Variants in BRCA1 observed in about 807,000 individuals in gnomAD.
The protein encoded by BRCA1 is breast cancer type 1 susceptibility protein.
In BRCA1, 140 loss-of-function variants were observed where a neutral mutation model predicts 173.7. The observed-to-expected ratio is 0.81, with a 90% CI of 0.70 to 0.93. BRCA1 has a LOEUF of 0.93. Among genes scored for constraint, BRCA1 ranks in the 40% least tolerant of loss-of-function variants. The pLI, the probability that BRCA1 is intolerant of heterozygous loss-of-function variation, is 0.00. For synonymous variants in BRCA1, 662 were observed against 756.0 expected, an observed-to-expected ratio of 0.88 and a Z score of 2.04; for missense variants, 1,983 against 2,172.5, an observed-to-expected ratio of 0.91 and a Z score of 1.73.
At chr17:43,120,733 C>A (rs1483582245) in intron 2 of BRCA1, among the ~76,000 whole-genome samples, 1 of 152,010 alleles carries the variant, frequency 6.6e-6, no homozygotes, top group Non-Finnish European at 1.5e-5. Flanking sequence ...CCACTGCACT[C>A]CGGCCTGGGT....
chr17:43,108,023 A>G (rs1341243846), intron 3 of BRCA1, among the ~76,000 whole-genome samples: 1 of 152,140 alleles, frequency 6.6e-6, no homozygotes, highest in African/African-American at 2.4e-5. Context: ...GAAGAGACCC[A>G]GGAAAGAAAA....
In BRCA1 at chr17:43,113,156, T is replaced by G. The variant is rs138040784; in HGVS notation, c.134+2570A>C. On this transcript the variant is annotated intron_variant, in intron 3 of 22. Coordinates refer to ENST00000357654, the MANE Select transcript of BRCA1 (RefSeq NM_007294.4). ...CTGGGCTCAAAGCACCTCAGCATCTTCCTGTAGAATTACTCTCCTTTTCCT... is the reference window on the plus strand; with the variant it reads ...CTGGGCTCAAAGCACCTCAGCATCTGCCTGTAGAATTACTCTCCTTTTCCT... Among the ~76,000 whole-genome samples, 525 of 152,106 alleles carry G rather than the reference T, an allele frequency of 3.5e-3. 4 individuals carry two copies. Among genetic ancestry groups the G allele is most frequent in the African/African-American group, 0.012 (496 of 41,506 alleles).
chr17:43,136,005 C>T (rs770802992), intron 1 of BRCA1, among the ~76,000 whole-genome samples: 30 of 152,220 alleles, frequency 2.0e-4, no homozygotes, highest in Non-Finnish European at 1.3e-4. Context: ...GGGCTTAATA[C>T]AGGCTTCGCC....
chr17:43,111,068 T>C (rs2055013071), intron 3 of BRCA1, among the ~76,000 whole-genome samples: 1 of 143,524 alleles, frequency 7.0e-6, no homozygotes, highest in Non-Finnish European at 1.5e-5. Context: ...ACCACTGCAC[T>C]CCAGCCTGGG....
At position 43,091,480 on chromosome 17, in the gene BRCA1, A is replaced by G. The variant is rs139858874; in HGVS notation, c.4051T>C (p.Leu1351=). ...VSDDEERGTG[L]EENNQEEQSM... is the part of the protein sequence containing the mutation. ...TGCTCTTCTTGATTATTTTCTTCCA[A>G]GCCCGTTCCTCTTTCTTCATCATCT... Residue 1351 remains leucine (L), a synonymous_variant, in exon 10 of 23, where the codon TTG becomes CTG. Transcript: ENST00000357654. 6.2e-7 allele frequency: 1 copy of G among 1,613,428 alleles called. No homozygotes were observed. The highest frequency in any genetic ancestry group is 1.3e-5 in the African/African-American group (1 of 74,838).
intron 12 of BRCA1, among the ~76,000 whole-genome samples, chr17:43,080,047 T>G (rs2154117785): frequency 6.6e-6 from 1 of 152,294 alleles, no homozygotes; most frequent in Middle Eastern, 3.4e-3. Flanking sequence ...ATGATCTACT[T>G]GCTGGCTGGT....
In BRCA1 at chr17:43,125,362, A is replaced by G. The variant is rs759750310; in HGVS notation, c.-111T>C. The stretch of plus-strand genomic sequence containing the variant: ...GCCTGTCCCCCGTCCAGGAAGTCTC[A>G]GCGAGCTCACGCCGCGCAGTCGCAG... On this transcript the variant is annotated 5_prime_UTR_variant, in exon 1 of 23. Transcript: ENST00000357654. The G allele has an allele frequency of 7.1e-6, 3 of 421,680 alleles. No individual in the cohort carries two copies. Among genetic ancestry groups the G allele is most frequent in the South Asian group, 3.2e-5 (2 of 61,862 alleles). 26.1% of individuals were successfully genotyped at this position (421,680 alleles called of 1,614,324 possible). A position where few individuals can be genotyped will look rare whatever the true frequency, so the allele number is the denominator to read the frequency against.
chr17:43,157,405 AAATT>A (rs2056204117), intron 1 of BRCA1, among the ~76,000 whole-genome samples: 1 of 152,244 alleles, frequency 6.6e-6, no homozygotes, highest in Non-Finnish European at 1.5e-5. Flanking sequence ...AAACCATTAA[AAATT>A]AATCTTAAGG....
intron 1 of BRCA1, 102 bp downstream of exon 1, chr17:43,125,169 C>T (rs1036527805): frequency 2.2e-6 from 1 of 455,530 alleles, no homozygotes; most frequent in South Asian, 1.6e-5. Context: ...CCCTACCCCC[C>T]GTCAAAGAAT....
intron 1 of BRCA1, among the ~76,000 whole-genome samples, chr17:43,156,908 TA>T (rs2056200911): frequency 6.6e-6 from 1 of 152,230 alleles, no homozygotes; most frequent in African/African-American, 2.4e-5. Flanking sequence ...GTTCCCCTTC[TA>T]GGTCCTGATG....
chr17:43,062,816 C>T (rs778537466), intron 18 of BRCA1, among the ~76,000 whole-genome samples: 8 of 151,904 alleles, frequency 5.3e-5, no homozygotes, highest in African/African-American at 9.7e-5. Context: ...AGGCTGATCT[C>T]GAACTCCTGA....
At chr17:43,046,612 G>C (rs781427381) in intron 22 of BRCA1, among the ~76,000 whole-genome samples, 2 of 151,890 alleles carry the variant, frequency 1.3e-5, no homozygotes, top group Non-Finnish European at 1.5e-5. Context: ...ATATTGGCCA[G>C]GCTGGTCTCA....
chr17:43,168,415 A>G (rs1383682855), intron 1 of BRCA1, among the ~76,000 whole-genome samples: 2 of 152,224 alleles, frequency 1.3e-5, no homozygotes, highest in Non-Finnish European at 1.5e-5. Context: ...AGGCGGGCGG[A>G]TGACCTGAGG....
In BRCA1 at chr17:43,155,661, T is replaced by C. The variant is rs1263860116; in HGVS notation, c.-20+14465A>G. Among the ~76,000 whole-genome samples the C allele has an allele frequency of 2.6e-5, 4 of 152,166 alleles. No individual in the cohort carries two copies. In the East Asian group the frequency reaches 7.7e-4, roughly 29 times the overall value. ...GATTCTTGTGCCTCAGCCTTCCAAG[T>C]AGCTGGGACTACAGGCGCATGCTGC... On this transcript the variant is annotated intron_variant, in intron 1 of 7. Transcript: ENST00000634433.
chr17:43,079,911 A>G (rs2052925881), intron 12 of BRCA1: 1 of 628,446 alleles, frequency 1.6e-6, no homozygotes, highest in East Asian at 2.7e-5. Context: ...AGCAAATAAG[A>G]TAACTTGTTA....
intron 21 of BRCA1, among the ~76,000 whole-genome samples, chr17:43,048,014 A>AC (rs2051009677): frequency 6.6e-6 from 1 of 151,414 alleles, no homozygotes; most frequent in Non-Finnish European, 1.5e-5. Context: ...GCTCAACTTC[A>AC]CCCCCGGGAT....
Position 43,100,863 on chromosome 17 carries a change from C to T in BRCA1, c.442-983G>A, listed in dbSNP as rs148500539. Among the ~76,000 whole-genome samples the T allele has an allele frequency of 0.013, 1,914 of 149,114 alleles. 21 individuals carry two copies. Among genetic ancestry groups the T allele is most frequent in the Non-Finnish European group, 0.017 (1,177 of 67,552 alleles). On this transcript the variant is annotated intron_variant, in intron 6 of 22. Transcript: ENST00000357654. ...TCTCCTGCCTCAGCCTCCCGAGTAGCTGGGACTACAGGCGTACACCACCAC... is the reference window on the plus strand; with the variant it reads ...TCTCCTGCCTCAGCCTCCCGAGTAGTTGGGACTACAGGCGTACACCACCAC...
At chr17:43,068,828 C>A (rs925263307) in intron 15 of BRCA1, among the ~76,000 whole-genome samples, 1 of 152,128 alleles carries the variant, frequency 6.6e-6, no homozygotes, top group Non-Finnish European at 1.5e-5. Flanking sequence ...TCAATTCTCT[C>A]GTAAGAAGGC....
chr17:43,049,824 C>A (rs940676121), intron 20 of BRCA1, among the ~76,000 whole-genome samples: 1 of 152,148 alleles, frequency 6.6e-6, no homozygotes, highest in African/African-American at 2.4e-5. Flanking sequence ...TGGCTGTGTT[C>A]TTCAAGACAT....
Sources: allele counts gnomAD v4.1 joint callset (sites outside exome capture counted in the v4.1 genomes callset), GRCh38; gene constraint gnomAD v4.1.1; transcripts MANE v1.5; gene names NCBI Gene and HGNC (gene_info 2026-07-23, HGNC 2026-07-21).